NAALADL2: variants seen among roughly 807,000 people sequenced by gnomAD.
NAALADL2 encodes inactive N-acetylated-alpha-linked acidic dipeptidase-like protein 2.
NAALADL2 carries 76 observed loss-of-function variants against 87.2 expected under a neutral mutation model. The observed-to-expected ratio is 0.87, with a 90% CI of 0.72 to 1.05. The LOEUF (loss-of-function observed/expected upper bound fraction) is 1.05, where lower values mean the gene tolerates loss of function less well. Among genes scored for constraint, NAALADL2 ranks in the 50% least tolerant of loss-of-function variants. NAALADL2 has a pLI of 0.00. For missense variants in NAALADL2, 1,089 were observed against 945.8 expected (o/e 1.15, Z -1.99); for synonymous variants, 354 against 331.0 (o/e 1.07, Z -0.75).
intron 11 of NAALADL2, among the ~76,000 whole-genome samples, chr3:175,721,543 G>T (rs1432379777): frequency 1.3e-5 from 2 of 151,978 alleles, no homozygotes; most frequent in African/African-American, 4.8e-5. Flanking sequence ...AAACTTGGAG[G>T]TTTTTCTAAT....
At chr3:175,275,671 A>G (rs1753486864) in intron 4 of NAALADL2, among the ~76,000 whole-genome samples, 3 of 152,102 alleles carry the variant, frequency 2.0e-5, no homozygotes, top group Non-Finnish European at 4.4e-5. Flanking sequence ...TCTTGCCCAT[A>G]TGGTGTCTTT....
At chr3:174,838,530 A>T (rs931883151) in intron 3 of NAALADL2, among the ~76,000 whole-genome samples, 1 of 152,134 alleles carries the variant, frequency 6.6e-6, no homozygotes, top group African/African-American at 2.4e-5. Context: ...AGGACATCCA[A>T]ATCAGTAAAG....
At chr3:174,583,604 A>G (rs577855493) in intron 2 of NAALADL2, among the ~76,000 whole-genome samples, 11 of 152,300 alleles carry the variant, frequency 7.2e-5, no homozygotes, top group Admixed American at 7.2e-4. Context: ...AATTTCAGCA[A>G]TTGCCATAAT....
intron 2 of NAALADL2, among the ~76,000 whole-genome samples, chr3:175,099,305 A>G (rs970910871): frequency 6.6e-6 from 1 of 152,212 alleles, no homozygotes; most frequent in Admixed American, 6.5e-5. Context: ...TCAACAAAGT[A>G]ACATGTATGT....
intron 1 of NAALADL2, among the ~76,000 whole-genome samples, chr3:175,006,841 G>A (rs983092218): frequency 6.6e-6 from 1 of 150,976 alleles, no homozygotes; most frequent in African/African-American, 2.4e-5. Flanking sequence ...TACTTTTGTT[G>A]AGCCTTTTCT....
At chr3:175,457,587 T>A (rs886675455) in intron 6 of NAALADL2, among the ~76,000 whole-genome samples, 2 of 152,050 alleles carry the variant, frequency 1.3e-5, no homozygotes, top group African/African-American at 4.8e-5. Flanking sequence ...TGGCACCATT[T>A]TAGCTAAGTG....
chr3:175,543,275 T>C (rs113970130), intron 9 of NAALADL2, among the ~76,000 whole-genome samples: 1 of 152,090 alleles, frequency 6.6e-6, no homozygotes, highest in African/African-American at 2.4e-5. Context: ...CACAAGAATG[T>C]CTTGTAGGTC....
intron 1 of NAALADL2, among the ~76,000 whole-genome samples, chr3:174,949,093 C>T (rs777472147): frequency 2.0e-5 from 3 of 152,136 alleles, no homozygotes; most frequent in Admixed American, 2.0e-4. Context: ...CCCTCTTGAC[C>T]TAATCATCTC....
chr3:174,770,063 T>C (rs1714339903), intron 3 of NAALADL2, among the ~76,000 whole-genome samples: 1 of 152,176 alleles, frequency 6.6e-6, no homozygotes, highest in Admixed American at 6.5e-5. Flanking sequence ...CAAGAAGTAA[T>C]CTGTTATGTC....
chr3:175,773,968 T>G (rs1749866085), intron 13 of NAALADL2, among the ~76,000 whole-genome samples: 1 of 152,106 alleles, frequency 6.6e-6, no homozygotes, highest in Non-Finnish European at 1.5e-5. Flanking sequence ...GTAAATTATA[T>G]TATTTATGAA....
chr3:175,238,840 GT>G (rs991587778), intron 3 of NAALADL2, among the ~76,000 whole-genome samples: 52 of 152,156 alleles, frequency 3.4e-4, no homozygotes, highest in African/African-American at 1.2e-3. Flanking sequence ...AGTACATTGT[GT>G]TTGCATGAAT....
At chr3:175,324,924 T>C (rs1760498707) in intron 5 of NAALADL2, among the ~76,000 whole-genome samples, 1 of 152,200 alleles carries the variant, frequency 6.6e-6, no homozygotes, top group Non-Finnish European at 1.5e-5. Flanking sequence ...GTAGGGATCA[T>C]GTGGGAGAGA....
intron 2 of NAALADL2, among the ~76,000 whole-genome samples, chr3:175,169,513 A>G (rs185122422): frequency 1.3e-5 from 2 of 151,566 alleles, no homozygotes; most frequent in Non-Finnish European, 3.0e-5. Context: ...ATTTTTGATG[A>G]CAGTATTAAA....
chr3:174,612,776 C>T (rs1720057737), intron 2 of NAALADL2, among the ~76,000 whole-genome samples: 2 of 152,176 alleles, frequency 1.3e-5, no homozygotes. Flanking sequence ...ACCTCTGTTT[C>T]TCCTAACTTG....
intron 5 of NAALADL2, among the ~76,000 whole-genome samples, chr3:175,337,594 G>T (rs988771822): frequency 2.0e-5 from 3 of 151,974 alleles, no homozygotes; most frequent in Non-Finnish European, 4.4e-5. Flanking sequence ...AACCACCCCT[G>T]CCAATACCTT....
intron 5 of NAALADL2, among the ~76,000 whole-genome samples, chr3:175,364,425 G>A (rs555208562): frequency 1.4e-5 from 2 of 147,906 alleles, no homozygotes; most frequent in African/African-American, 4.9e-5. Flanking sequence ...CAGGTTCTGA[G>A]GAATTGATTT....
chr3:174,902,302 G>T (rs1275140507), intron 1 of NAALADL2, among the ~76,000 whole-genome samples: 2 of 151,930 alleles, frequency 1.3e-5, no homozygotes, highest in African/African-American at 4.8e-5. Context: ...TCTAAAACAG[G>T]TGATAACTCT....
intron 2 of NAALADL2, among the ~76,000 whole-genome samples, chr3:174,612,649 T>C (rs1204614347): frequency 2.6e-5 from 4 of 152,126 alleles, no homozygotes; most frequent in Non-Finnish European, 5.9e-5. Context: ...TTTAATTATT[T>C]CATTCTTTTT....
At chr3:175,698,235 A>G (rs1404414989) in intron 11 of NAALADL2, among the ~76,000 whole-genome samples, 1 of 51,876 alleles carries the variant, frequency 1.9e-5, no homozygotes, top group Non-Finnish European at 3.1e-5. Flanking sequence ...ATATGTATGT[A>G]TACATATATA....
Sources: allele counts gnomAD v4.1 joint callset (sites outside exome capture counted in the v4.1 genomes callset), GRCh38; gene constraint gnomAD v4.1.1; transcripts MANE v1.5; gene names NCBI Gene and HGNC (gene_info 2026-07-23, HGNC 2026-07-21).